The following LRIG3 variants were observed in gnomAD, a reference collection of about 807,000 sequenced individuals.
The protein encoded by LRIG3 is leucine rich repeats and immunoglobulin like domains 3.
A neutral mutation model predicts 114.5 loss-of-function variants in LRIG3; 76 were observed. That is an observed-to-expected ratio of 0.66 (90% CI 0.55 to 0.80). The LOEUF (loss-of-function observed/expected upper bound fraction) is 0.80, where lower values mean the gene tolerates loss of function less well. Among genes scored for constraint, LRIG3 ranks in the 30% least tolerant of loss-of-function variants. LRIG3 has a pLI of 0.00. For missense variants in LRIG3, 1,239 were observed against 1,382.8 expected (o/e 0.90, Z 1.65); for synonymous variants, 512 against 519.8 (o/e 0.98, Z 0.20).
intron 3 of LRIG3, among the ~76,000 whole-genome samples, chr12:58,892,574 C>CT (rs1368319365): frequency 6.6e-6 from 1 of 152,178 alleles, no homozygotes; most frequent in Non-Finnish European, 1.5e-5. Flanking sequence ...TGACGTCAAA[C>CT]TTACACCACT....
At chr12:58,894,114 T>A (rs1317459528) in intron 3 of LRIG3, among the ~76,000 whole-genome samples, 1 of 152,174 alleles carries the variant, frequency 6.6e-6, no homozygotes, top group Non-Finnish European at 1.5e-5. Flanking sequence ...TGCCAATTAC[T>A]TGAGTGACGA....
At chr12:58,880,090 T>C (rs1000790356) in intron 13 of LRIG3, among the ~76,000 whole-genome samples, 1 of 152,056 alleles carries the variant, frequency 6.6e-6, no homozygotes, top group South Asian at 2.1e-4. Flanking sequence ...AGGTCAGGCG[T>C]TCGAGACCAG....
chr12:58,890,902 T>C, intron 3 of LRIG3, 106 bp from the exon 4 acceptor site: 1 of 1,045,086 alleles, frequency 9.6e-7, no homozygotes, highest in Non-Finnish European at 1.4e-6. Flanking sequence ...TGGAACTGAC[T>C]AATCTGAACA....
At chr12:58,901,271 A>G (rs1341634967) in intron 3 of LRIG3, among the ~76,000 whole-genome samples, 2 of 152,214 alleles carry the variant, frequency 1.3e-5, no homozygotes. Flanking sequence ...TAAAATGCTA[A>G]TATAATCTGA....
intron 3 of LRIG3, among the ~76,000 whole-genome samples, chr12:58,910,296 G>A (rs1390576965): frequency 6.6e-6 from 1 of 152,150 alleles, no homozygotes; most frequent in African/African-American, 2.4e-5. Flanking sequence ...AGAATCTCTA[G>A]GGATAGTGTC....
In LRIG3 at chr12:58,876,600, T is replaced by G. The variant is rs755240584; in HGVS notation, c.2540A>C (p.Glu847Ala). The change falls in exon 16 of 19, where the codon GAG (glutamate) becomes GCG (alanine). Residue 847 changes from glutamate to alanine, a missense_variant. Coordinates refer to ENST00000320743, the MANE Select transcript of LRIG3 (RefSeq NM_153377.5). ...AGGAATATCTGCTGGCAAGTTGGTC[T>G]CATCTGTAATAAAACAGCAGCATTT... ...NEDCSITNTD[E>A]TNLPADIPSY... The G allele has an allele frequency of 6.2e-7, 1 of 1,614,168 alleles. No individual in the cohort carries two copies. Among genetic ancestry groups the G allele is most frequent in the Non-Finnish European group, 8.5e-7 (1 of 1,180,008 alleles).
chr12:58,884,922 T>G (rs1871226784), intron 10 of LRIG3, among the ~76,000 whole-genome samples: 1 of 152,038 alleles, frequency 6.6e-6, no homozygotes, highest in South Asian at 2.1e-4. Context: ...GCGTAAAACA[T>G]ACATCCATGG....
At chr12:58,878,803 A>C in intron 14 of LRIG3, 21 bp downstream of exon 14, 3 of 1,603,570 alleles carry the variant, frequency 1.9e-6, no homozygotes, top group Non-Finnish European at 2.6e-6. Flanking sequence ...TATACTACAG[A>C]ATCTTAACAA....
rs748822 is a variant in LRIG3 at position 58,888,743 on chromosome 12, A to T, written c.803+76T>A. On this transcript the variant is annotated intron_variant, in intron 6 of 18. Coordinates refer to ENST00000320743, the MANE Select transcript of LRIG3 (RefSeq NM_153377.5). ...ATGAGATTTTAACATAGGATTTCACATAAGACCTGCTGAATGTACACTGAG... is the reference window on the plus strand; with the variant it reads ...ATGAGATTTTAACATAGGATTTCACTTAAGACCTGCTGAATGTACACTGAG... The T allele has an allele frequency of 1.6e-5, 25 of 1,529,882 alleles. No homozygotes were observed. The East Asian group carries it at 5.0e-4, about 30-fold the overall frequency. 94.8% of individuals were successfully genotyped at this position (1,529,882 alleles called of 1,614,324 possible). A position where few individuals can be genotyped will look rare whatever the true frequency, so the allele number is the denominator to read the frequency against.
rs780411907 is a variant in LRIG3 at position 58,874,507 on chromosome 12, G to T, written c.2762C>A (p.Pro921Gln). 5.6e-6 allele frequency: 9 copies of T among 1,614,126 alleles called. No individual in the cohort carries two copies. The highest frequency in any genetic ancestry group is 5.9e-6 in the Non-Finnish European group (7 of 1,180,016). ...CATAGGGCCTGTGGATCCCAAAAAC[G>T]GACAAAGGAACAGATCTGTGGCAGC... Reference protein sequence around the residue: ...VEAATDLFLCPFLGSTGPMYL... With the variant: ...VEAATDLFLCQFLGSTGPMYL... Residue 921 changes from proline to glutamine, a missense_variant, in exon 17 of 19, where the codon CCG (proline) becomes CAG (glutamine). Physicochemically the swap from Pro to Gln is moderately conservative, Grantham distance 76. Transcript: ENST00000320743.
At chr12:58,876,189 A>G (rs1287813947) in intron 16 of LRIG3, among the ~76,000 whole-genome samples, 1 of 152,248 alleles carries the variant, frequency 6.6e-6, no homozygotes, top group African/African-American at 2.4e-5. Flanking sequence ...AGGATACACA[A>G]ATATCCTTTA....
Position 58,920,365 on chromosome 12 carries a change from C to A in LRIG3, c.-130G>T, listed in dbSNP as rs1057477833. On this transcript the variant is annotated 5_prime_UTR_variant, in exon 1 of 19. Transcript: ENST00000320743. ...GTGCGCGCTCCTCCCTCGCGCTGCCCGGTCAATTCCTTCTTTTACTCCCGG... is the reference window on the plus strand; with the variant it reads ...GTGCGCGCTCCTCCCTCGCGCTGCCAGGTCAATTCCTTCTTTTACTCCCGG... 9.7e-5 allele frequency: 57 copies of A among 588,420 alleles called. No individual in the cohort carries two copies. Among genetic ancestry groups the A allele is most frequent in the Non-Finnish European group, 1.3e-4 (49 of 389,128 alleles). 36.4% of individuals were successfully genotyped at this position (588,420 alleles called of 1,614,324 possible). A position where few individuals can be genotyped will look rare whatever the true frequency, so the allele number is the denominator to read the frequency against.
chr12:58,886,221 C>A (rs1301740339), intron 9 of LRIG3, among the ~76,000 whole-genome samples: 1 of 151,988 alleles, frequency 6.6e-6, no homozygotes, highest in African/African-American at 2.4e-5. Context: ...AGAACACTAA[C>A]AAAGCAGATA....
At position 58,890,752 on chromosome 12, in the gene LRIG3, T is replaced by G; in HGVS notation, c.428A>C (p.Glu143Ala). ...IVEILPEHLK[E>A]FQSLETLDLS... ...GTCCAAAGTTTCAAGGGACTGAAAC[T>G]CTTTCAGATGTTCAGGGAGTATTTC... The change falls in exon 4 of 19, where the codon GAG (glutamate) becomes GCG (alanine). Residue 143 changes from glutamate to alanine, a missense_variant. By Grantham distance (107) the Glu-to-Ala change is moderately radical. Coordinates refer to ENST00000320743, the MANE Select transcript of LRIG3 (RefSeq NM_153377.5). The G allele has an allele frequency of 6.2e-7, 1 of 1,606,770 alleles. No homozygotes were observed. Among genetic ancestry groups the G allele is most frequent in the African/African-American group, 1.3e-5 (1 of 74,504 alleles).
chr12:58,910,895 C>T (rs1036421434), intron 3 of LRIG3, among the ~76,000 whole-genome samples: 3 of 152,188 alleles, frequency 2.0e-5, no homozygotes, highest in African/African-American at 7.2e-5. Context: ...CCACACCACG[C>T]AAAGCCAGAG....
At chr12:58,873,112 A>G (rs1201279227) in intron 18 of LRIG3, among the ~76,000 whole-genome samples, 1 of 152,138 alleles carries the variant, frequency 6.6e-6, no homozygotes, top group Non-Finnish European at 1.5e-5. Flanking sequence ...GTTCCCCAAT[A>G]TAAGTTTCCC....
rs952680539 is a variant in LRIG3, at chr12:58,920,216, C to G, written c.20G>C (p.Arg7Pro). 2.2e-6 allele frequency: 3 copies of G among 1,393,840 alleles called. No homozygotes were observed. In the African/African-American group the frequency reaches 4.6e-5, roughly 21 times the overall value. The allele number at this position is 1,393,840 out of a possible 1,614,324, so 86.3% of individuals were successfully genotyped here. A position where few individuals can be genotyped will look rare whatever the true frequency, so the allele number is the denominator to read the frequency against. Residue 7 changes from arginine to proline, a missense_variant, in exon 1 of 19, where the codon CGT becomes CCT. Transcript: ENST00000320743. ...CAGCCCCAACCCCGCGGCGCGCGCA[C>G]GGAGGCTCGGCGCGCTCATCGCGGT... MSAPSL[R>P]ARAAGLGLLL...
chr12:58,915,750 T>C (rs955230178), intron 1 of LRIG3, among the ~76,000 whole-genome samples: 4 of 152,212 alleles, frequency 2.6e-5, no homozygotes, highest in Non-Finnish European at 5.9e-5. Flanking sequence ...ACACTTTCCC[T>C]TGCAGCCCAG....
At chr12:58,891,268 C>G (rs2120918425) in intron 3 of LRIG3, among the ~76,000 whole-genome samples, 1 of 152,108 alleles carries the variant, frequency 6.6e-6, no homozygotes, top group East Asian at 1.9e-4. Flanking sequence ...TAAGTGCCAC[C>G]TCATCTCGCT....
Sources: gnomAD v4.1 joint callset for allele counts (sites outside exome capture counted in the v4.1 genomes callset) on GRCh38, gnomAD v4.1.1 for gene constraint, MANE v1.5 for transcripts, NCBI Gene and HGNC (gene_info 2026-07-23, HGNC 2026-07-21) for gene names.